Variants in CACNB2 observed in about 807,000 individuals in gnomAD.
CACNB2 encodes the protein calcium voltage-gated channel auxiliary subunit beta 2.
Under a neutral mutation model 73.3 loss-of-function variants are expected in CACNB2, and 42 were observed. The observed-to-expected ratio is 0.57, with a 90% CI of 0.45 to 0.74. The LOEUF (loss-of-function observed/expected upper bound fraction) is 0.74. CACNB2 is among the 30% of genes least tolerant of loss of function. CACNB2 has a pLI of 0.00. For synonymous variants in CACNB2, 348 were observed against 310.3 expected (o/e 1.12, Z -1.28); for missense variants, 940 against 853.0 (o/e 1.10, Z -1.27).
chr10:18,537,912 T>TA (rs2053765209), intron 12 of CACNB2, among the ~76,000 whole-genome samples: 1 of 152,244 alleles, frequency 6.6e-6, no homozygotes, highest in African/African-American at 2.4e-5. Context: ...TGCTGATTGA[T>TA]AGACAACTTT....
intron 2 of CACNB2, among the ~76,000 whole-genome samples, chr10:18,322,045 A>G (rs990849923): frequency 6.6e-6 from 1 of 152,122 alleles, no homozygotes; most frequent in African/African-American, 2.4e-5. Context: ...GGTCCTAGCT[A>G]CTAAAGTGGC....
At position 18,539,636 on chromosome 10, in the gene CACNB2, A is replaced by T. The variant is rs781337449; in HGVS notation, c.1895A>T (p.Asp632Val). 1 of 1,613,416 alleles carries T rather than the reference A, an allele frequency of 6.2e-7. No individual in the cohort carries two copies. Among genetic ancestry groups the T allele is most frequent in the African/African-American group, 1.3e-5 (1 of 74,758 alleles). The part of the protein sequence containing the change: ...NKQRSRHKSK[D>V]RYCEKDGEVI... ...CAGCGCAGCCGTCATAAATCCAAGG[A>T]TCGCTACTGTGAAAAGGATGGAGAA... The change falls in exon 14 of 14, where the codon GAT becomes GTT. Residue 632 changes from aspartate to valine, a missense_variant. Transcript: ENST00000324631.
At chr10:18,206,993 G>T (rs1251197065) in intron 2 of CACNB2, among the ~76,000 whole-genome samples, 1 of 152,054 alleles carries the variant, frequency 6.6e-6, no homozygotes, top group Non-Finnish European at 1.5e-5. Context: ...ATTTATTACA[G>T]TATATTGTTA....
rs768449353 is a variant in CACNB2 at position 18,539,592 on chromosome 10, C to G, written c.1851C>G (p.Asp617Glu). ...HRSRDVDREQ[D>E]HNECNKQRSR... ...CCCGGGACGTGGATCGAGAGCAGGA[C>G]CACAACGAGTGCAACAAGCAGCGCA... The change falls in exon 14 of 14, where the codon GAC becomes GAG. Residue 617 changes from aspartate (D) to glutamate (E), a missense_variant. Coordinates refer to ENST00000324631, the MANE Select transcript of CACNB2 (RefSeq NM_201596.3). 2 of 1,613,708 alleles carry G rather than the reference C, an allele frequency of 1.2e-6. No individual in the cohort carries two copies. The highest frequency in any genetic ancestry group is 2.2e-5 in the South Asian group (2 of 91,058).
chr10:18,447,782 A>C (rs1016151533), intron 3 of CACNB2, among the ~76,000 whole-genome samples: 1 of 152,098 alleles, frequency 6.6e-6, no homozygotes, highest in Non-Finnish European at 1.5e-5. Flanking sequence ...TTAATGATAT[A>C]AAATAAAGAT....
chr10:18,518,916 G>C lies in CACNB2; in HGVS notation c.892G>C (p.Asp298His), dbSNP rs2051551110. 6.2e-7 allele frequency: 1 copy of C among 1,613,564 alleles called. No individual in the cohort carries two copies. The highest frequency in any genetic ancestry group is 1.7e-5 in the Admixed American group (1 of 59,990). The part of the protein sequence containing the change: ...GPSLKGYEVT[D>H]MMQKALFDFL... ...ATTGCTTGCTCAATTGCAGGTCACA[G>C]ATATGATGCAAAAAGCGCTGTTTGA... Residue 298 changes from aspartate to histidine, a missense_variant, in exon 9 of 14, where the codon GAT becomes CAT. Transcript: ENST00000324631.
chr10:18,175,523 G>A (rs1293630462), intron 2 of CACNB2, among the ~76,000 whole-genome samples: 2 of 152,194 alleles, frequency 1.3e-5, no homozygotes, highest in African/African-American at 4.8e-5. Context: ...TTAGAAATTT[G>A]TGTCTCTTTG....
At chr10:18,210,454 G>A (rs2131348652) in intron 2 of CACNB2, among the ~76,000 whole-genome samples, 1 of 152,180 alleles carries the variant, frequency 6.6e-6, no homozygotes. Flanking sequence ...ATAGGCCTTA[G>A]AAGCTGGTGG....
intron 3 of CACNB2, among the ~76,000 whole-genome samples, chr10:18,453,187 A>T (rs906374409): frequency 6.6e-6 from 1 of 151,782 alleles, no homozygotes; most frequent in Non-Finnish European, 1.5e-5. Context: ...GCTTTTCCTG[A>T]TTTTCTCTCC....
intron 2 of CACNB2, among the ~76,000 whole-genome samples, chr10:18,321,225 A>T (rs1438230895): frequency 6.6e-6 from 1 of 152,156 alleles, no homozygotes; most frequent in Non-Finnish European, 1.5e-5. Context: ...ATTACTCTGA[A>T]CACCTTCCCT....
intron 2 of CACNB2, among the ~76,000 whole-genome samples, chr10:18,318,150 A>T (rs113886352): frequency 1.3e-5 from 2 of 152,238 alleles, no homozygotes; most frequent in African/African-American, 4.8e-5. Context: ...GAACCAAAAA[A>T]GAGCCTGTAT....
At chr10:18,217,556 A>T (rs865873616) in intron 2 of CACNB2, among the ~76,000 whole-genome samples, 1 of 152,066 alleles carries the variant, frequency 6.6e-6, no homozygotes, top group African/African-American at 2.4e-5. Flanking sequence ...TGTTATAGAA[A>T]AAAAGAAAAT....
chr10:18,279,012 G>A (rs996244390), intron 2 of CACNB2, among the ~76,000 whole-genome samples: 2 of 152,046 alleles, frequency 1.3e-5, no homozygotes, highest in Non-Finnish European at 2.9e-5. Context: ...GAGAGATCCT[G>A]TCTTACAAAA....
intron 2 of CACNB2, among the ~76,000 whole-genome samples, chr10:18,364,086 A>G (rs777861153): frequency 2.5e-4 from 38 of 151,360 alleles, no homozygotes; most frequent in East Asian, 2.0e-4. Flanking sequence ...AGTTGGGATT[A>G]CAGGCGCCTG....
chr10:18,497,946 A>C (rs1019432588), intron 3 of CACNB2, among the ~76,000 whole-genome samples: 3 of 152,136 alleles, frequency 2.0e-5, no homozygotes, highest in African/African-American at 7.2e-5. Flanking sequence ...TTAATGATTA[A>C]TTAATTAAAG....
In CACNB2 at chr10:18,485,181, C is replaced by T. The variant is rs572892910; in HGVS notation, c.334-13174C>T. On this transcript the variant is annotated intron_variant, in intron 3 of 13. Transcript: ENST00000324631. ...TTTGTTTCAAAACATATTGTAGGAA[C>T]TTTTGCCCATATATAAAGAATAAAA... Among the ~76,000 whole-genome samples the T allele has an allele frequency of 2.6e-5, 4 of 152,188 alleles. No individual in the cohort carries two copies. In the East Asian group the frequency reaches 7.7e-4, roughly 29 times the overall value.
chr10:18,384,649 G>T (rs781351870), intron 2 of CACNB2, among the ~76,000 whole-genome samples: 1 of 152,032 alleles, frequency 6.6e-6, no homozygotes, highest in Non-Finnish European at 1.5e-5. Flanking sequence ...AGGATCACTT[G>T]AGCCTGGAAG....
intron 7 of CACNB2, among the ~76,000 whole-genome samples, chr10:18,516,582 C>CA (rs1358757395): frequency 3.9e-5 from 6 of 152,216 alleles, no homozygotes; most frequent in Non-Finnish European, 1.5e-5. Flanking sequence ...TAAACGTTTT[C>CA]AGTATGATCC....
At chr10:18,497,996 C>T (rs1294779842) in intron 3 of CACNB2, among the ~76,000 whole-genome samples, 5 of 152,156 alleles carry the variant, frequency 3.3e-5, no homozygotes, top group Non-Finnish European at 7.3e-5. Context: ...AAGTCCTTTC[C>T]ACTGAAACGG....
Sources: gnomAD v4.1 joint callset for allele counts (sites outside exome capture counted in the v4.1 genomes callset) on GRCh38, gnomAD v4.1.1 for gene constraint, MANE v1.5 for transcripts, NCBI Gene and HGNC (gene_info 2026-07-23, HGNC 2026-07-21) for gene names.